Variants in POLN observed in about 807,000 individuals in gnomAD.
POLN encodes the protein DNA polymerase nu.
POLN carries 108 observed loss-of-function variants against 113.5 expected under a neutral mutation model. That is an observed-to-expected ratio of 0.95 (90% confidence interval 0.81 to 1.12). The LOEUF (loss-of-function observed/expected upper bound fraction) is 1.12, where lower values mean the gene tolerates loss of function less well. Among genes scored for constraint, POLN ranks in the 50% most tolerant of loss-of-function variants. The pLI, the probability that POLN is intolerant of heterozygous loss-of-function variation, is 0.00. For synonymous variants in POLN, 386 were observed against 391.5 expected (o/e 0.99, Z 0.17); for missense variants, 1,097 against 1,077.1 (o/e 1.02, Z -0.26).
chr4:2,238,884 C>T, intron 2 of POLN: 1 of 1,613,178 alleles, frequency 6.2e-7, no homozygotes, highest in Non-Finnish European at 8.5e-7. Context: ...ATCTGCAGAT[C>T]AAAATCTCCC....
chr4:2,150,442 A>G (rs1417463373), intron 16 of POLN, among the ~76,000 whole-genome samples: 2 of 152,182 alleles, frequency 1.3e-5, no homozygotes, highest in East Asian at 3.8e-4. Flanking sequence ...CCCAATGAAA[A>G]TCTCAGCAGG....
chr4:2,152,333 T>C lies in POLN; in HGVS notation c.1731+4455A>G, dbSNP rs547728855. On this transcript the variant is annotated intron_variant, in intron 16 of 25. Transcript: ENST00000511885. ...GATTACAGACATGAGCCATTGCACCTGGCCTGATTTTTTTTTTTTTTTTTA... is the reference window on the plus strand; with the variant it reads ...GATTACAGACATGAGCCATTGCACCCGGCCTGATTTTTTTTTTTTTTTTTA... Among the ~76,000 whole-genome samples the C allele has an allele frequency of 6.0e-5, 9 of 149,868 alleles. No individual in the cohort carries two copies. In the East Asian group the frequency reaches 1.6e-3, roughly 26 times the overall value.
chr4:2,192,114 CAAAAA>C (rs772637540), intron 7 of POLN, among the ~76,000 whole-genome samples: 1 of 66,940 alleles, frequency 1.5e-5, no homozygotes, highest in African/African-American at 4.8e-5. Flanking sequence ...GACTCCATCT[CAAAAA>C]AAAAAAAAAA....
At chr4:2,217,212 T>C (rs1352230585) in intron 3 of POLN, among the ~76,000 whole-genome samples, 1 of 152,178 alleles carries the variant, frequency 6.6e-6, no homozygotes, top group Non-Finnish European at 1.5e-5. Flanking sequence ...GGGCCACTTC[T>C]CCTTCCACAC....
At chr4:2,162,366 C>G (rs2108742989) in intron 13 of POLN, among the ~76,000 whole-genome samples, 1 of 152,212 alleles carries the variant, frequency 6.6e-6, no homozygotes, top group Middle Eastern at 3.4e-3. Context: ...GACCACGAAC[C>G]CACCAGAAGG....
At chr4:2,145,498 T>TA (rs1416566889) in intron 16 of POLN, among the ~76,000 whole-genome samples, 2 of 151,752 alleles carry the variant, frequency 1.3e-5, no homozygotes, top group East Asian at 3.9e-4. Flanking sequence ...GCAAAAGAAA[T>TA]AAACAAGTGA....
intron 21 of POLN, among the ~76,000 whole-genome samples, chr4:2,084,848 C>T (rs773306476): frequency 2.0e-5 from 3 of 152,218 alleles, no homozygotes; most frequent in Non-Finnish European, 4.4e-5. Flanking sequence ...TGTCATTCAT[C>T]CTCCTCTTTG....
chr4:2,144,892 T>C (rs936554008), intron 16 of POLN, among the ~76,000 whole-genome samples: 1 of 152,194 alleles, frequency 6.6e-6, no homozygotes, highest in Non-Finnish European at 1.5e-5. Flanking sequence ...TAGTCGACAC[T>C]CTGGGAATAC....
chr4:2,222,363 T>C (rs577504374), intron 3 of POLN, among the ~76,000 whole-genome samples: 55 of 151,706 alleles, frequency 3.6e-4, no homozygotes, highest in African/African-American at 1.3e-3. Context: ...GGCAGCATGG[T>C]GAAACCCCAT....
At chr4:2,219,311 A>G (rs756835312) in intron 3 of POLN, among the ~76,000 whole-genome samples, 4 of 152,188 alleles carry the variant, frequency 2.6e-5, no homozygotes, top group Non-Finnish European at 5.9e-5. Context: ...TCCCCCTTGT[A>G]TAAGTTCCCA....
intron 6 of POLN, 128 bp from the exon 7 acceptor site, chr4:2,193,444 C>T: frequency 3.4e-6 from 2 of 592,540 alleles, no homozygotes; most frequent in Non-Finnish European, 5.9e-6. Flanking sequence ...CTAAAGAATT[C>T]CAAGAGGTCA....
chr4:2,220,399 C>G (rs1734226628), intron 3 of POLN, among the ~76,000 whole-genome samples: 1 of 152,218 alleles, frequency 6.6e-6, no homozygotes, highest in East Asian at 1.9e-4. Context: ...CAGCTTCCTA[C>G]TGAGTTTCAC....
rs1052504544 is a variant in POLN at position 2,072,408 on chromosome 4, C to A, written c.2518-109G>T. ...CCTACAGCACACAGGTGCACACATC[C>A]AGATACATGATCAGACAGCCACACG... On this transcript the variant is annotated intron_variant, in intron 25 of 25. Coordinates refer to ENST00000511885, the MANE Select transcript of POLN (RefSeq NM_181808.4). 8.6e-6 allele frequency: 8 copies of A among 926,366 alleles called. No homozygotes were observed. The African/African-American group carries it at 1.3e-4, about 15-fold the overall frequency. The allele number at this position is 926,366 out of a possible 1,614,324, so 57.4% of individuals were successfully genotyped here. A position where few individuals can be genotyped will look rare whatever the true frequency, so the allele number is the denominator to read the frequency against.
At chr4:2,106,783 G>A (rs1393755736) in intron 19 of POLN, among the ~76,000 whole-genome samples, 2 of 151,712 alleles carry the variant, frequency 1.3e-5, no homozygotes, top group African/African-American at 4.8e-5. Flanking sequence ...CTGTGTTTTA[G>A]CAACTGTGAC....
rs369892217 is a variant in POLN at position 2,174,720 on chromosome 4, A to G, written c.1280T>C (p.Leu427Ser). The change falls in exon 10 of 26, where the codon TTG becomes TCG. Residue 427 changes from leucine to serine, a missense_variant. Physicochemically the swap from Leu to Ser is moderately radical, Grantham distance 145 (BLOSUM62 -2). Coordinates refer to ENST00000511885, the MANE Select transcript of POLN (RefSeq NM_181808.4). ...DYGLWQLFRT[L>S]ELPLIPILAV... is the part of the protein sequence containing the mutation. ...CAAAATTGGTATCAGAGGAAGCTCC[A>G]AAGTACGAAATAGTTGCCATAAACC... The G allele has an allele frequency of 6.2e-7, 1 of 1,610,148 alleles. No individual in the cohort carries two copies. Among genetic ancestry groups the G allele is most frequent in the Non-Finnish European group, 8.5e-7 (1 of 1,176,580 alleles).
At chr4:2,145,948 G>A (rs1382743928) in intron 16 of POLN, among the ~76,000 whole-genome samples, 3 of 151,930 alleles carry the variant, frequency 2.0e-5, no homozygotes, top group Non-Finnish European at 2.9e-5. Context: ...TTAGAGCTAC[G>A]TCTGTCAACA....
intron 4 of POLN, among the ~76,000 whole-genome samples, chr4:2,212,254 T>C (rs565807695): frequency 3.3e-5 from 5 of 152,370 alleles, no homozygotes; most frequent in Admixed American, 1.3e-4. Flanking sequence ...GTGAATGTTA[T>C]AGCCCTGCCT....
chr4:2,141,396 G>A (rs1335531590), intron 16 of POLN, among the ~76,000 whole-genome samples: 4 of 152,256 alleles, frequency 2.6e-5, no homozygotes, highest in African/African-American at 9.6e-5. Flanking sequence ...GGTGGTGTCT[G>A]GGGTGGTGGA....
intron 7 of POLN, among the ~76,000 whole-genome samples, chr4:2,180,794 C>T (rs1044406705): frequency 6.6e-6 from 1 of 152,174 alleles, no homozygotes; most frequent in African/African-American, 2.4e-5. Flanking sequence ...TAATCTCTTG[C>T]AACTGACAAA....
Sources: gnomAD v4.1 joint callset for allele counts (sites outside exome capture counted in the v4.1 genomes callset) on GRCh38, gnomAD v4.1.1 for gene constraint, MANE v1.5 for transcripts, NCBI Gene and HGNC (gene_info 2026-07-23, HGNC 2026-07-21) for gene names.